The following EPM2A variants were observed in gnomAD, a reference collection of about 807,000 sequenced individuals.
EPM2A encodes the protein laforin.
A neutral mutation model predicts 26.5 loss-of-function variants in EPM2A; 21 were observed. The observed-to-expected ratio is 0.79, with a 90% CI of 0.56 to 1.14. The LOEUF (loss-of-function observed/expected upper bound fraction) is 1.14, where lower values mean the gene tolerates loss of function less well. Among genes scored for constraint, EPM2A ranks in the 50% most tolerant of loss-of-function variants. The pLI is 0.00. For synonymous variants in EPM2A, 217 were observed against 177.6 expected (o/e 1.22, Z -1.76); for missense variants, 458 against 440.8 (o/e 1.04, Z -0.35).
chr6:145,686,305 A>T lies in EPM2A; in HGVS notation c.302-9T>A. The stretch of plus-strand genomic sequence containing the variant: ...ATGATGAGGTCCATTGCCTAGAACA[A>T]GAAAAAATGATAAACAGAGCAATTA... On this transcript the variant is annotated splice_polypyrimidine_tract_variant and intron_variant, in intron 1 of 3. Coordinates refer to ENST00000367519, the MANE Select transcript of EPM2A (RefSeq NM_005670.4). 1 of 1,611,308 alleles carries T rather than the reference A, an allele frequency of 6.2e-7. No individual in the cohort carries two copies. The highest frequency in any genetic ancestry group is 1.1e-5 in the South Asian group (1 of 91,022).
At chr6:145,620,210 A>C (rs886237084) in intron 2 of EPM2A, among the ~76,000 whole-genome samples, 3 of 152,212 alleles carry the variant, frequency 2.0e-5, no homozygotes, top group Non-Finnish European at 4.4e-5. Context: ...TTGGGATGAC[A>C]CTGTTCCACC....
At chr6:145,589,677 TTAA>T (rs112202993) in intron 2 of EPM2A, among the ~76,000 whole-genome samples, 225 of 152,206 alleles carry the variant, frequency 1.5e-3, no homozygotes, top group African/African-American at 5.2e-3. Flanking sequence ...AATGAAAAGA[TTAA>T]TAATATCTGG....
intron 2 of EPM2A, among the ~76,000 whole-genome samples, chr6:145,647,048 AT>A (rs375296312): frequency 2.5e-4 from 38 of 152,330 alleles, no homozygotes; most frequent in African/African-American, 7.9e-4. Context: ...GAAGTGAATT[AT>A]ATCAACAGCC....
intron 2 of EPM2A, among the ~76,000 whole-genome samples, chr6:145,576,565 C>A (rs771884927): frequency 6.6e-6 from 1 of 152,130 alleles, no homozygotes; most frequent in Non-Finnish European, 1.5e-5. Context: ...TTATTTCAAA[C>A]ATGAAGGAGA....
At chr6:145,574,278 A>G (rs1048146908) in intron 2 of EPM2A, among the ~76,000 whole-genome samples, 9 of 152,228 alleles carry the variant, frequency 5.9e-5, no homozygotes, top group Admixed American at 5.2e-4. Flanking sequence ...TTTTACTTCT[A>G]AGAACACCAT....
intron 1 of EPM2A, among the ~76,000 whole-genome samples, chr6:145,711,744 T>C (rs1305696119): frequency 6.6e-6 from 1 of 152,138 alleles, no homozygotes; most frequent in Non-Finnish European, 1.5e-5. Flanking sequence ...AAAGTTGATA[T>C]CATTTTTCAT....
intron 2 of EPM2A, among the ~76,000 whole-genome samples, chr6:145,516,119 A>C (rs1320333866): frequency 6.6e-6 from 1 of 152,200 alleles, no homozygotes. Flanking sequence ...GGAGAGCTAC[A>C]ATAATTATTG....
chr6:145,605,145 A>T (rs1775207769), intron 2 of EPM2A, among the ~76,000 whole-genome samples: 2 of 152,286 alleles, frequency 1.3e-5, no homozygotes, highest in South Asian at 4.1e-4. Flanking sequence ...CTTATACCTA[A>T]AAGTCAGAAA....
chr6:145,569,640 C>T (rs1210305369), intron 2 of EPM2A, among the ~76,000 whole-genome samples: 1 of 152,074 alleles, frequency 6.6e-6, no homozygotes, highest in African/African-American at 2.4e-5. Flanking sequence ...TTATGCATAG[C>T]AATAATTGTT....
chr6:145,437,948 C>A (rs1350776135), intron 4 of EPM2A, among the ~76,000 whole-genome samples: 1 of 152,144 alleles, frequency 6.6e-6, no homozygotes, highest in African/African-American at 2.4e-5. Context: ...AATCAGAATG[C>A]AAATTATACA....
chr6:145,392,808 G>T (rs760401506), intron 4 of EPM2A, among the ~76,000 whole-genome samples: 1 of 152,072 alleles, frequency 6.6e-6, no homozygotes, highest in Non-Finnish European at 1.5e-5. Flanking sequence ...TCAACCATGA[G>T]GGTTTGGCAC....
chr6:145,430,807 A>C (rs1778911450), intron 4 of EPM2A, among the ~76,000 whole-genome samples: 2 of 152,228 alleles, frequency 1.3e-5, no homozygotes, highest in African/African-American at 4.8e-5. Flanking sequence ...CTTTCAGATT[A>C]ATTGATACTG....
intron 2 of EPM2A, among the ~76,000 whole-genome samples, chr6:145,667,352 A>T (rs1199472799): frequency 5.5e-5 from 8 of 146,316 alleles, no homozygotes; most frequent in African/African-American, 2.2e-4. Context: ...AAAGTGGGTG[A>T]AGGACATGAA....
At position 145,666,245 on chromosome 6, in the gene EPM2A, A is replaced by G. The variant is rs1209222101; in HGVS notation, c.476+19877T>C. ...ATTGTCCCTGTTTGCAGACGACATGATTGTTTATCTAGAAAACCCCATTGT... is the reference window on the plus strand; with the variant it reads ...ATTGTCCCTGTTTGCAGACGACATGGTTGTTTATCTAGAAAACCCCATTGT... On this transcript the variant is annotated intron_variant, in intron 2 of 3. Transcript: ENST00000367519. 2.4e-3 allele frequency among the ~76,000 whole-genome samples: 255 copies of G among 105,116 alleles called. 3 individuals are homozygous for G. The highest frequency in any genetic ancestry group is 0.01 in the African/African-American group (215 of 21,298). The allele number at this position is 105,116 out of a possible 152,430, so 69.0% of individuals were successfully genotyped here.
intron 4 of EPM2A, among the ~76,000 whole-genome samples, chr6:145,469,177 G>T (rs533926553): frequency 3.6e-4 from 55 of 152,110 alleles, no homozygotes; most frequent in African/African-American, 1.3e-3. Flanking sequence ...AAGGAGAAGT[G>T]AACACAGGAG....
chr6:145,419,683 A>T (rs2048236), intron 4 of EPM2A, among the ~76,000 whole-genome samples: 141,159 of 152,202 alleles, frequency 0.93, 65,583 homozygotes, highest in East Asian at 1. Context: ...TGCACTAAAG[A>T]CTAAAATTAT....
intron 1 of EPM2A, among the ~76,000 whole-genome samples, chr6:145,692,425 A>G (rs1292067479): frequency 6.6e-6 from 1 of 152,092 alleles, no homozygotes; most frequent in Admixed American, 6.6e-5. Context: ...TCAACAGTAC[A>G]TAAACCAAGA....
intron 2 of EPM2A, chr6:145,635,984 C>A (rs1776653252): frequency 5.6e-6 from 1 of 178,284 alleles, no homozygotes; most frequent in African/African-American, 2.4e-5. Context: ...CAACAGACTT[C>A]TTTTAATAAG....
intron 2 of EPM2A, among the ~76,000 whole-genome samples, chr6:145,507,071 CTG>C (rs1355019359): frequency 3.9e-5 from 6 of 152,136 alleles, no homozygotes; most frequent in East Asian, 1.9e-4. Flanking sequence ...CCAGCCAAGA[CTG>C]TGGTTTTAAA....
Sources: gnomAD v4.1 joint callset for allele counts (sites outside exome capture counted in the v4.1 genomes callset) on GRCh38, gnomAD v4.1.1 for gene constraint, MANE v1.5 for transcripts, NCBI Gene and HGNC (gene_info 2026-07-23, HGNC 2026-07-21) for gene names.